The following EXOC4 variants were observed in gnomAD, a reference collection of about 807,000 sequenced individuals.
The protein encoded by EXOC4 is exocyst complex component 4.
In EXOC4, 71 loss-of-function variants were observed where a neutral mutation model predicts 107.2. That is an observed-to-expected ratio of 0.66 (90% confidence interval 0.55 to 0.81). The LOEUF (loss-of-function observed/expected upper bound fraction) is 0.81, where lower values mean the gene tolerates loss of function less well. Among genes scored for constraint, EXOC4 ranks in the 30% least tolerant of loss-of-function variants. EXOC4 has a pLI of 0.00. For missense variants in EXOC4, 1,108 were observed against 1,189.6 expected (o/e 0.93, Z 1.01); for synonymous variants, 456 against 441.2 (o/e 1.03, Z -0.42).
At chr7:133,569,754 C>G (rs1318576165) in intron 9 of EXOC4, among the ~76,000 whole-genome samples, 1 of 152,076 alleles carries the variant, frequency 6.6e-6, no homozygotes. Context: ...CAGTCTTTTG[C>G]CTTTCATTCA....
In EXOC4 at chr7:133,483,204, A is replaced by G. The variant is rs115266451; in HGVS notation, c.1417+3066A>G. Reference sequence around the variant, plus strand: ...ACTTAGTGACAGAATGAATGAGGACAGTTAGGATCTAAAATAGGATAGAGA... The same window carrying G: ...ACTTAGTGACAGAATGAATGAGGACGGTTAGGATCTAAAATAGGATAGAGA... On this transcript the variant is annotated intron_variant, in intron 9 of 17. Transcript: ENST00000253861. Among the ~76,000 whole-genome samples the G allele has an allele frequency of 5.7e-3, 863 of 152,324 alleles. 8 individuals carry two copies. Among genetic ancestry groups the G allele is most frequent in the African/African-American group, 0.02 (817 of 41,576 alleles).
At chr7:133,310,927 C>A (rs1794856792) in intron 4 of EXOC4, among the ~76,000 whole-genome samples, 1 of 152,090 alleles carries the variant, frequency 6.6e-6, no homozygotes, top group South Asian at 2.1e-4. Context: ...AAACACCCAA[C>A]AAATTTCTAC....
At chr7:133,362,398 C>T (rs1796155479) in intron 6 of EXOC4, among the ~76,000 whole-genome samples, 1 of 152,154 alleles carries the variant, frequency 6.6e-6, no homozygotes, top group African/African-American at 2.4e-5. Context: ...TCCATGTTAG[C>T]TGCATAATTG....
intron 10 of EXOC4, among the ~76,000 whole-genome samples, chr7:133,704,378 C>A (rs1047407263): frequency 1.3e-5 from 2 of 152,198 alleles, no homozygotes; most frequent in Admixed American, 6.5e-5. Context: ...CATTGTAACA[C>A]CGTAGTCTTC....
chr7:134,003,638 A>G (rs1303979494), intron 15 of EXOC4, among the ~76,000 whole-genome samples: 1 of 152,068 alleles, frequency 6.6e-6, no homozygotes, highest in Non-Finnish European at 1.5e-5. Context: ...TGAACCTTCC[A>G]TGCAAGGTCA....
chr7:133,536,706 G>A (rs1164616576), intron 9 of EXOC4, among the ~76,000 whole-genome samples: 1 of 152,006 alleles, frequency 6.6e-6, no homozygotes, highest in Non-Finnish European at 1.5e-5. Flanking sequence ...ACATAGAAGT[G>A]TGGGAGTCAA....
At chr7:133,888,774 G>A (rs1248339417) in intron 11 of EXOC4, among the ~76,000 whole-genome samples, 5 of 152,136 alleles carry the variant, frequency 3.3e-5, no homozygotes, top group African/African-American at 1.2e-4. Flanking sequence ...TGGCTCTGAG[G>A]CAGAATGGTA....
At chr7:133,522,286 G>A (rs1285357295) in intron 9 of EXOC4, among the ~76,000 whole-genome samples, 1 of 152,056 alleles carries the variant, frequency 6.6e-6, no homozygotes, top group Non-Finnish European at 1.5e-5. Context: ...CCATAACTTA[G>A]TAGTGATTTT....
chr7:133,362,111 T>C (rs148166151), intron 6 of EXOC4, among the ~76,000 whole-genome samples: 1 of 152,334 alleles, frequency 6.6e-6, no homozygotes, highest in African/African-American at 2.4e-5. Context: ...CATGTAGACA[T>C]TTGTTTTAAT....
intron 10 of EXOC4, among the ~76,000 whole-genome samples, chr7:133,715,355 A>G (rs565312142): frequency 6.6e-6 from 1 of 152,230 alleles, no homozygotes; most frequent in African/African-American, 2.4e-5. Context: ...TCTTGTGGCT[A>G]CCACTGAACA....
At chr7:133,636,846 C>T (rs1802724357) in intron 10 of EXOC4, among the ~76,000 whole-genome samples, 1 of 152,216 alleles carries the variant, frequency 6.6e-6, no homozygotes, top group Admixed American at 6.5e-5. Flanking sequence ...ATGAACCTCT[C>T]TTGGCAACTT....
intron 7 of EXOC4, among the ~76,000 whole-genome samples, chr7:133,386,936 C>T (rs995742368): frequency 7.9e-5 from 12 of 152,010 alleles, no homozygotes; most frequent in Non-Finnish European, 1.5e-4. Context: ...ATGTATTGAA[C>T]CCCATTATTT....
intron 10 of EXOC4, among the ~76,000 whole-genome samples, chr7:133,816,126 G>A (rs764445056): frequency 2.6e-5 from 4 of 152,030 alleles, no homozygotes; most frequent in Non-Finnish European, 5.9e-5. Flanking sequence ...ATTTACACAG[G>A]GATTTCAGAG....
chr7:133,622,227 G>A (rs750408162), intron 9 of EXOC4, among the ~76,000 whole-genome samples: 4 of 151,978 alleles, frequency 2.6e-5, no homozygotes, highest in Admixed American at 6.6e-5. Context: ...CTCCCATCTC[G>A]GCCTCCCATA....
At chr7:133,437,307 AT>A (rs1387574264) in intron 7 of EXOC4, among the ~76,000 whole-genome samples, 1 of 152,112 alleles carries the variant, frequency 6.6e-6, no homozygotes. Flanking sequence ...TTTTGCTATT[AT>A]TTATGAGAGA....
intron 7 of EXOC4, among the ~76,000 whole-genome samples, chr7:133,407,126 C>T (rs758472870): frequency 1.3e-5 from 2 of 152,276 alleles, no homozygotes; most frequent in South Asian, 2.1e-4. Flanking sequence ...TCCACCCTCC[C>T]CTTTATACCT....
At chr7:133,706,009 A>G (rs1794762066) in intron 10 of EXOC4, among the ~76,000 whole-genome samples, 1 of 152,266 alleles carries the variant, frequency 6.6e-6, no homozygotes, top group Non-Finnish European at 1.5e-5. Flanking sequence ...AGAAGCAGAC[A>G]GCATTTAACT....
intron 10 of EXOC4, among the ~76,000 whole-genome samples, chr7:133,676,927 C>CTT (rs1554382479): frequency 1.6e-5 from 2 of 124,724 alleles, no homozygotes; most frequent in African/African-American, 2.9e-5. Context: ...GTAGTAAACT[C>CTT]TGTGTGTGTG....
intron 12 of EXOC4, among the ~76,000 whole-genome samples, chr7:133,905,106 T>C (rs1030254617): frequency 6.6e-6 from 1 of 152,180 alleles, no homozygotes; most frequent in African/African-American, 2.4e-5. Context: ...GCACTCTGAT[T>C]TTCTCCCATG....
Sources: gnomAD v4.1 joint callset for allele counts (sites outside exome capture counted in the v4.1 genomes callset) on GRCh38, gnomAD v4.1.1 for gene constraint, MANE v1.5 for transcripts, NCBI Gene and HGNC (gene_info 2026-07-23, HGNC 2026-07-21) for gene names.